The following PHLPP1 variants were observed in gnomAD, a reference collection of about 807,000 sequenced individuals.
PHLPP1 encodes the protein PH domain and leucine rich repeat protein phosphatase 1.
A neutral mutation model predicts 117.2 loss-of-function variants in PHLPP1; 42 were observed. That is an observed-to-expected ratio of 0.36 (90% CI 0.28 to 0.46). The LOEUF (loss-of-function observed/expected upper bound fraction) is 0.46, where lower values mean the gene tolerates loss of function less well. Among genes scored for constraint, PHLPP1 ranks in the 20% least tolerant of loss-of-function variants. PHLPP1 has a pLI of 1.00. For missense variants in PHLPP1, 2,084 were observed against 2,241.9 expected, an observed-to-expected ratio of 0.93 and a Z score of 1.42; for synonymous variants, 1,042 against 970.7, an observed-to-expected ratio of 1.07 and a Z score of -1.37.
chr18:62,884,665 A>G (rs551933580), intron 4 of PHLPP1, among the ~76,000 whole-genome samples: 2 of 152,346 alleles, frequency 1.3e-5, no homozygotes, highest in Non-Finnish European at 2.9e-5. Context: ...CCCACAGAGG[A>G]AAAAACAAGT....
chr18:62,855,232 G>T (rs1480766891), intron 3 of PHLPP1, among the ~76,000 whole-genome samples: 3 of 152,166 alleles, frequency 2.0e-5, no homozygotes, highest in Non-Finnish European at 2.9e-5. Flanking sequence ...AAGCCTACTT[G>T]CTCTGAGGTG....
chr18:62,961,089 G>A (rs1270566801), intron 13 of PHLPP1, among the ~76,000 whole-genome samples: 1 of 152,156 alleles, frequency 6.6e-6, no homozygotes, highest in Non-Finnish European at 1.5e-5. Flanking sequence ...CTGAGGTCAG[G>A]AGTTTGCAAC....
intron 12 of PHLPP1, among the ~76,000 whole-genome samples, chr18:62,951,915 C>T (rs964583737): frequency 4.0e-5 from 6 of 150,648 alleles, no homozygotes; most frequent in South Asian, 2.1e-4. Flanking sequence ...CCCGGGTTCA[C>T]GCCATTCTCC....
intron 2 of PHLPP1, among the ~76,000 whole-genome samples, chr18:62,835,118 C>T (rs890672472): frequency 6.6e-6 from 1 of 151,578 alleles, no homozygotes; most frequent in Non-Finnish European, 1.5e-5. Flanking sequence ...CAGGTTTCTT[C>T]CTTTTCTTTG....
intron 10 of PHLPP1, among the ~76,000 whole-genome samples, chr18:62,936,197 T>A (rs1909962182): frequency 6.6e-6 from 1 of 152,018 alleles, no homozygotes; most frequent in Non-Finnish European, 1.5e-5. Context: ...TTGAAGGAGC[T>A]CCCAGTGGCC....
Position 62,786,749 on chromosome 18 carries a change from G to T in PHLPP1, c.1577-43286G>T, listed in dbSNP as rs1041990838. On this transcript the variant is annotated intron_variant, in intron 1 of 16. Transcript: ENST00000262719. ...ACTTAGTAGAATGATTTTGGTAAAA[G>T]GTTCACAGTCTGCTCTGTGAACTGC... is the stretch of plus-strand genomic sequence containing the variant. Among the ~76,000 whole-genome samples the T allele has an allele frequency of 6.9e-4, 105 of 152,122 alleles. 1 individual carries two copies. Among genetic ancestry groups the T allele is most frequent in the African/African-American group, 2.5e-3 (103 of 41,416 alleles).
intron 1 of PHLPP1, among the ~76,000 whole-genome samples, chr18:62,810,339 A>G (rs972187054): frequency 5.9e-5 from 9 of 152,194 alleles, no homozygotes; most frequent in Non-Finnish European, 1.3e-4. Context: ...GCTTGATCTC[A>G]GGTAAGATTT....
chr18:62,886,313 T>G (rs524812), intron 4 of PHLPP1, among the ~76,000 whole-genome samples: 148,769 of 152,264 alleles, frequency 0.98, 72,785 homozygotes, highest in East Asian at 1. Flanking sequence ...TAGAGACAGG[T>G]TCTTGCTCTG....
At chr18:62,772,830 C>CAAAAAAAAAAAAAA (rs59776161) in intron 1 of PHLPP1, among the ~76,000 whole-genome samples, 660 of 60,766 alleles carry the variant, frequency 0.011, 42 homozygotes, top group African/African-American at 0.042. Flanking sequence ...GACTCTTTCT[C>CAAAAAAAAAAAAAA]AAAAAAAAAA....
intron 3 of PHLPP1, among the ~76,000 whole-genome samples, chr18:62,843,899 T>C (rs563793862): frequency 6.6e-6 from 1 of 152,324 alleles, no homozygotes; most frequent in Non-Finnish European, 1.5e-5. Context: ...ATATCCATCT[T>C]GATGGTCCAC....
intron 3 of PHLPP1, among the ~76,000 whole-genome samples, chr18:62,856,645 G>A (rs1406028818): frequency 6.6e-6 from 1 of 152,008 alleles, no homozygotes; most frequent in Non-Finnish European, 1.5e-5. Context: ...TGTTGCCCAG[G>A]CTGATCTCGA....
At position 62,716,820 on chromosome 18, in the gene PHLPP1, C is replaced by T. The variant is rs1235123052; in HGVS notation, c.1137C>T (p.Leu379=). 1.3e-6 allele frequency: 2 copies of T among 1,526,502 alleles called. No homozygotes were observed. The highest frequency in any genetic ancestry group is 1.8e-6 in the Non-Finnish European group (2 of 1,142,628). 94.6% of individuals were successfully genotyped at this position (1,526,502 alleles called of 1,614,324 possible). The change falls in exon 1 of 17, where the codon CTC becomes CTT. Residue 379 remains leucine (L), a synonymous_variant. Coordinates refer to ENST00000262719, the MANE Select transcript of PHLPP1 (RefSeq NM_194449.4). This position sits in a 1 kb window ranked among gnomAD's most constrained non-coding sequence, Gnocchi z 5.7. ...GGGSSSSSEE[L]EADAASAPTG... is the part of the protein sequence containing the mutation. ...GCTCCTCGTCGTCGTCGGAAGAGCT[C>T]GAGGCCGACGCAGCCTCGGCCCCGA...
rs977239164 is a variant in PHLPP1, at chr18:62,905,361, G to C, written c.2708+77G>C. Reference sequence around the variant, plus strand: ...TAATTCTGTCTGAGCTTATGCACAAGTACTTTTTAATATTTTGAAGGTAAA... The same window carrying C: ...TAATTCTGTCTGAGCTTATGCACAACTACTTTTTAATATTTTGAAGGTAAA... On this transcript the variant is annotated intron_variant, in intron 8 of 16. Transcript: ENST00000262719. 12 of 676,018 alleles carry C rather than the reference G, an allele frequency of 1.8e-5. No individual in the cohort carries two copies. In the African/African-American group the frequency reaches 1.9e-4, roughly 10 times the overall value. 41.9% of individuals were successfully genotyped at this position (676,018 alleles called of 1,614,324 possible).
At chr18:62,952,796 A>T (rs1910501762) in intron 12 of PHLPP1, among the ~76,000 whole-genome samples, 1 of 152,136 alleles carries the variant, frequency 6.6e-6, no homozygotes, top group Admixed American at 6.5e-5. Flanking sequence ...CTAATTTCTT[A>T]AAATTTATGC....
At chr18:62,945,746 A>G (rs151012822) in intron 12 of PHLPP1, among the ~76,000 whole-genome samples, 5 of 152,374 alleles carry the variant, frequency 3.3e-5, no homozygotes, top group East Asian at 1.9e-4. Context: ...ACAGAGCATC[A>G]TTGCTGTCAC....
At chr18:62,929,652 TA>T (rs1257882712) in intron 10 of PHLPP1, among the ~76,000 whole-genome samples, 1 of 152,178 alleles carries the variant, frequency 6.6e-6, no homozygotes, top group East Asian at 1.9e-4. Context: ...GACAAACTGT[TA>T]GTAACGCAGC....
At chr18:62,841,522 TG>T in intron 3 of PHLPP1, among the ~76,000 whole-genome samples, 1 of 151,738 alleles carries the variant, frequency 6.6e-6, no homozygotes, top group South Asian at 2.1e-4. Context: ...TTAGTAGAGA[TG>T]GGGTTTCACT....
rs770703256 is a variant in PHLPP1, at chr18:62,895,955, G to T, written c.2388G>T (p.Glu796Asp). ...TTTGTATGTCTGGAAACTGTGTGGAGACCCTTAGGCTACAGGCTTTAAGAA... is the reference window on the plus strand; with the variant it reads ...TTTGTATGTCTGGAAACTGTGTGGATACCCTTAGGCTACAGGCTTTAAGAA... ...DKLCMSGNCV[E>D]TLRLQALRKM... Residue 796 changes from glutamate to aspartate, a missense_variant, in exon 6 of 17, where the codon GAG becomes GAT. Physicochemically the swap from Glu to Asp is conservative, Grantham distance 45. Coordinates refer to ENST00000262719, the MANE Select transcript of PHLPP1 (RefSeq NM_194449.4). The T allele has an allele frequency of 2.5e-6, 4 of 1,613,746 alleles. No homozygotes were observed. In the East Asian group the frequency reaches 8.9e-5, roughly 36 times the overall value.
At chr18:62,764,635 C>G (rs748737354) in intron 1 of PHLPP1, among the ~76,000 whole-genome samples, 4 of 149,410 alleles carry the variant, frequency 2.7e-5, no homozygotes, top group Non-Finnish European at 5.9e-5. Context: ...GCCTGTAAGC[C>G]CAGCTACTCG....
Sources: gnomAD v4.1 joint callset for allele counts (sites outside exome capture counted in the v4.1 genomes callset) on GRCh38, gnomAD v4.1.1 for gene constraint, Gnocchi (gnomAD v3.1) non-coding constraint, MANE v1.5 for transcripts, NCBI Gene and HGNC (gene_info 2026-07-23, HGNC 2026-07-21) for gene names.